FA2H: variants seen among roughly 807,000 people sequenced by gnomAD.
The protein encoded by FA2H is fatty acid alpha-hydroxylase.
In FA2H, 22 loss-of-function variants were observed where a neutral mutation model predicts 44.9. The ratio of observed to expected loss-of-function variants is 0.49; its 90% confidence interval spans 0.35 to 0.70. The LOEUF is 0.70. Among genes scored for constraint, FA2H ranks in the 30% least tolerant of loss-of-function variants. The pLI is 0.01. For synonymous variants in FA2H, 243 were observed against 213.2 expected (o/e 1.14, Z -1.22); for missense variants, 501 against 504.9 (o/e 0.99, Z 0.07).
chr16:74,771,389 C>G (rs1460915852), intron 1 of FA2H, among the ~76,000 whole-genome samples: 2 of 151,920 alleles, frequency 1.3e-5, no homozygotes, highest in Non-Finnish European at 2.9e-5. Context: ...TAAGATTTTA[C>G]CGTGTTGCCC....
chr16:74,747,027 T>C (rs1962437020), intron 1 of FA2H, among the ~76,000 whole-genome samples: 1 of 152,034 alleles, frequency 6.6e-6, no homozygotes. Context: ...GGTGATAAAA[T>C]TAGCCAGGCA....
intron 2 of FA2H, among the ~76,000 whole-genome samples, chr16:74,736,801 A>G (rs1336631433): frequency 2.0e-5 from 3 of 151,932 alleles, no homozygotes; most frequent in Non-Finnish European, 2.9e-5. Flanking sequence ...CACCGGCCTC[A>G]GGGTCTTATT....
intron 2 of FA2H, among the ~76,000 whole-genome samples, chr16:74,737,169 AG>A (rs1314887296): frequency 6.6e-6 from 1 of 152,012 alleles, no homozygotes; most frequent in East Asian, 1.9e-4. Context: ...AAGGGTGGAG[AG>A]GGCTCCCAAG....
chr16:74,724,184 G>T (rs1391234745), intron 4 of FA2H, among the ~76,000 whole-genome samples: 1 of 152,204 alleles, frequency 6.6e-6, no homozygotes, highest in Non-Finnish European at 1.5e-5. Flanking sequence ...TTACAGGCGT[G>T]AGCCACCGTG....
intron 2 of FA2H, among the ~76,000 whole-genome samples, chr16:74,730,114 C>G (rs963186447): frequency 2.6e-5 from 4 of 152,318 alleles, no homozygotes; most frequent in African/African-American, 9.6e-5. Flanking sequence ...TACATGCCCC[C>G]CAGCTGCTCT....
rs144762943 is a variant in FA2H at position 74,742,438 on chromosome 16, A to T, written c.271-2323T>A. Among the ~76,000 whole-genome samples, 539 of 152,382 alleles carry T rather than the reference A, an allele frequency of 3.5e-3. 4 individuals are homozygous for T. The highest frequency in any genetic ancestry group is 0.012 in the African/African-American group (503 of 41,592). On this transcript the variant is annotated intron_variant, in intron 1 of 6. Coordinates refer to ENST00000219368, the MANE Select transcript of FA2H (RefSeq NM_024306.5). ...TCAAAACTCCAACAACCTAGATCAT[A>T]GATTCTCAGTGCCCTTCGGCCGAGT...
intron 2 of FA2H, among the ~76,000 whole-genome samples, chr16:74,731,299 T>TC (rs1962067712): frequency 9.9e-6 from 1 of 101,506 alleles, no homozygotes; most frequent in African/African-American, 5.3e-5. Flanking sequence ...CACGTCTGGC[T>TC]TTTTTTTTTT....
chr16:74,767,790 G>A (rs376304924), intron 1 of FA2H, among the ~76,000 whole-genome samples: 1 of 152,348 alleles, frequency 6.6e-6, no homozygotes, highest in African/African-American at 2.4e-5. Context: ...TTAAGCCACC[G>A]AGTTTGTGAT....
intron 2 of FA2H, among the ~76,000 whole-genome samples, chr16:74,732,938 G>T (rs1962102837): frequency 6.6e-6 from 1 of 152,200 alleles, no homozygotes; most frequent in South Asian, 2.1e-4. Context: ...CCCAGCACAG[G>T]GGTCTGTCAT....
intron 1 of FA2H, among the ~76,000 whole-genome samples, chr16:74,761,368 G>T (rs371108394): frequency 2.0e-5 from 3 of 151,876 alleles, no homozygotes; most frequent in African/African-American, 7.2e-5. Context: ...CTGGAGAATC[G>T]CTTGGATCAG....
chr16:74,726,131 G>T, intron 4 of FA2H, 94 bp downstream of exon 4: 1 of 833,882 alleles, frequency 1.2e-6, no homozygotes, highest in Non-Finnish European at 2.1e-6. Context: ...GTAGTTTGGG[G>T]TTCTGTGCTC....
chr16:74,774,504 C>T lies in FA2H; in HGVS notation c.252G>A (p.Glu84=), dbSNP rs1380405813. The change falls in exon 1 of 7, where the codon GAG becomes GAA. Residue 84 remains glutamate (E), a synonymous_variant. Coordinates refer to ENST00000219368, the MANE Select transcript of FA2H (RefSeq NM_024306.5). ...RRWLEQYYVG[E]LRGEQQGSME... ...GCTGTACCTGCTGCTCCCCGCGGAG[C>T]TCTCCCACGTAGTACTGCTCCAGCC... is the stretch of plus-strand genomic sequence containing the variant. 1 of 1,543,560 alleles carries T rather than the reference C, an allele frequency of 6.5e-7. No individual in the cohort carries two copies.
At chr16:74,715,328 GTCACCCAGGC>G (rs1286785381) in intron 6 of FA2H, among the ~76,000 whole-genome samples, 6 of 152,142 alleles carry the variant, frequency 3.9e-5, no homozygotes, top group Non-Finnish European at 2.9e-5. Flanking sequence ...GTCTCACTCT[GTCACCCAGGC>G]TGGGGTGCAG....
chr16:74,730,992 T>G (rs904542843), intron 2 of FA2H, among the ~76,000 whole-genome samples: 1 of 152,126 alleles, frequency 6.6e-6, no homozygotes, highest in African/African-American at 2.4e-5. Context: ...TCCGCTTGGG[T>G]ATTAATAGAA....
At chr16:74,758,464 T>G (rs1962652996) in intron 1 of FA2H, among the ~76,000 whole-genome samples, 1 of 152,142 alleles carries the variant, frequency 6.6e-6, no homozygotes, top group African/African-American at 2.4e-5. Context: ...ATTTAAATTT[T>G]TATGAACTAT....
chr16:74,756,286 A>G (rs1164635395), intron 1 of FA2H, among the ~76,000 whole-genome samples: 2 of 152,168 alleles, frequency 1.3e-5, no homozygotes, highest in African/African-American at 4.8e-5. Flanking sequence ...AGCTGCAGCT[A>G]CCTGCTCCTT....
chr16:74,728,609 C>T (rs1962004425), intron 2 of FA2H, among the ~76,000 whole-genome samples: 1 of 152,052 alleles, frequency 6.6e-6, no homozygotes, highest in South Asian at 2.1e-4. Flanking sequence ...CACCCTGTAC[C>T]ACATCCAGGA....
intron 4 of FA2H, 48 bp downstream of exon 4, chr16:74,726,177 C>T: frequency 1.5e-6 from 2 of 1,316,606 alleles, no homozygotes; most frequent in Non-Finnish European, 2.2e-6. Flanking sequence ...ACTGAGGTCT[C>T]CTCCCTCTAG....
At chr16:74,765,870 T>C (rs1008665921) in intron 1 of FA2H, among the ~76,000 whole-genome samples, 5 of 152,220 alleles carry the variant, frequency 3.3e-5, no homozygotes, top group African/African-American at 9.6e-5. Context: ...TATTTATTAG[T>C]ACCTATTGGT....
Sources: allele counts gnomAD v4.1 joint callset (sites outside exome capture counted in the v4.1 genomes callset), GRCh38; gene constraint gnomAD v4.1.1; transcripts MANE v1.5; gene names NCBI Gene and HGNC (gene_info 2026-07-23, HGNC 2026-07-21).